PDE1A: variants seen among roughly 807,000 people sequenced by gnomAD.
The protein encoded by PDE1A is phosphodiesterase 1A, also known as dual specificity calcium/calmodulin-dependent 3',5'-cyclic nucleotide phosphodiesterase 1A.
Under a neutral mutation model 61.7 loss-of-function variants are expected in PDE1A, and 35 were observed. The ratio of observed to expected loss-of-function variants is 0.57; its 90% CI spans 0.43 to 0.75. The LOEUF (loss-of-function observed/expected upper bound fraction) is 0.75. Among genes scored for constraint, PDE1A ranks in the 30% least tolerant of loss-of-function variants. The pLI, the probability that PDE1A is intolerant of heterozygous loss-of-function variation, is 0.00. For missense variants in PDE1A, 597 were observed against 630.6 expected, an observed-to-expected ratio of 0.95 and a Z score of 0.57; for synonymous variants, 232 against 213.2, an observed-to-expected ratio of 1.09 and a Z score of -0.77.
intron 1 of PDE1A, among the ~76,000 whole-genome samples, chr2:182,323,717 A>C (rs1024533691): frequency 6.6e-6 from 1 of 152,158 alleles, no homozygotes; most frequent in African/African-American, 2.4e-5. Flanking sequence ...TAGGGCAGGA[A>C]GCCCCCAGGA....
chr2:182,511,064 G>A (rs1304425689), intron 2 of PDE1A, among the ~76,000 whole-genome samples: 1 of 151,990 alleles, frequency 6.6e-6, no homozygotes, highest in African/African-American at 2.4e-5. Flanking sequence ...CTTGAATTCT[G>A]GATACTTTTC....
At chr2:182,601,274 G>A in the PDE1A span, among the ~76,000 whole-genome samples, 1 of 152,238 alleles carries the variant, frequency 6.6e-6, no homozygotes, top group Admixed American at 6.5e-5. Flanking sequence ...AGCTCCAGGT[G>A]CTGACACAGG....
chr2:182,713,960 TCCC>T, the PDE1A span, among the ~76,000 whole-genome samples: 1 of 152,172 alleles, frequency 6.6e-6, no homozygotes, highest in African/African-American at 2.4e-5. Flanking sequence ...CTTACTAAGG[TCCC>T]TATAACCTCC....
the PDE1A span, among the ~76,000 whole-genome samples, chr2:182,529,074 G>A: frequency 1.3e-5 from 2 of 152,174 alleles, no homozygotes; most frequent in African/African-American, 4.8e-5. Flanking sequence ...GCTGTGAGAA[G>A]AGGGCCACCG....
chr2:182,687,910 C>A, the PDE1A span, among the ~76,000 whole-genome samples: 1 of 151,872 alleles, frequency 6.6e-6, no homozygotes, highest in Admixed American at 6.6e-5. Flanking sequence ...ATTCGATCAA[C>A]TGGAAAAAAG....
chr2:182,627,761 T>C, the PDE1A span, among the ~76,000 whole-genome samples: 1 of 151,384 alleles, frequency 6.6e-6, no homozygotes, highest in Non-Finnish European at 1.5e-5. Context: ...TGGCCAAACT[T>C]GTGAGACCCC....
the PDE1A span, among the ~76,000 whole-genome samples, chr2:182,579,277 T>C: frequency 6.6e-6 from 1 of 152,204 alleles, no homozygotes; most frequent in African/African-American, 2.4e-5. Context: ...TTCTGTCTGC[T>C]ACTCACTTGC....
At chr2:182,328,498 A>G (rs933655808) in intron 1 of PDE1A, among the ~76,000 whole-genome samples, 1 of 152,196 alleles carries the variant, frequency 6.6e-6, no homozygotes, top group African/African-American at 2.4e-5. Flanking sequence ...GACATAGTAA[A>G]AAAAAGTGGT....
chr2:182,378,375 T>TG (rs1700541549), intron 1 of PDE1A, among the ~76,000 whole-genome samples: 2 of 152,138 alleles, frequency 1.3e-5, no homozygotes, highest in Non-Finnish European at 2.9e-5. Flanking sequence ...AAAACCTTTT[T>TG]GGAAAGATAA....
At position 182,437,210 on chromosome 2, in the gene PDE1A, C is replaced by T. The variant is rs1684485758; in HGVS notation, c.101+85066G>A. On this transcript the variant is annotated intron_variant, in intron 2 of 14. Coordinates refer to the PDE1A transcript ENST00000410103. The stretch of plus-strand genomic sequence containing the variant: ...TTCTGGTCAAAACATCACTGAGAAA[C>T]TCTTGGGGAAAAAATCAGATTAGTA... 4.0e-5 allele frequency among the ~76,000 whole-genome samples: 6 copies of T among 151,862 alleles called. No individual in the cohort carries two copies. The South Asian group carries it at 1.3e-3, about 32-fold the overall frequency.
the PDE1A span, among the ~76,000 whole-genome samples, chr2:182,546,698 C>A: frequency 2.0e-5 from 3 of 152,172 alleles, no homozygotes; most frequent in African/African-American, 7.2e-5. Context: ...AAGGGCAGAT[C>A]CTTTCATTCC....
the PDE1A span, among the ~76,000 whole-genome samples, chr2:182,712,067 A>G: frequency 1.3e-5 from 2 of 152,242 alleles, no homozygotes; most frequent in East Asian, 1.9e-4. Context: ...TGGATAGACC[A>G]TAGGGTCAGT....
chr2:182,707,491 G>A, the PDE1A span, among the ~76,000 whole-genome samples: 1 of 152,098 alleles, frequency 6.6e-6, no homozygotes, highest in African/African-American at 2.4e-5. Context: ...AGATAATAAA[G>A]GAACTGTGAG....
chr2:182,310,386 T>C (rs537671805), intron 1 of PDE1A, among the ~76,000 whole-genome samples: 8 of 152,266 alleles, frequency 5.3e-5, no homozygotes, highest in East Asian at 1.9e-4. Flanking sequence ...TCAAAAGTTA[T>C]GGAAAAACTT....
intron 1 of PDE1A, among the ~76,000 whole-genome samples, chr2:182,391,296 T>G (rs1390065478): frequency 1.3e-5 from 2 of 152,214 alleles, no homozygotes; most frequent in Non-Finnish European, 2.9e-5. Context: ...GGCCCATATC[T>G]GCATTTAATG....
chr2:182,364,486 A>AAAAAAC (rs1574459736), intron 1 of PDE1A, among the ~76,000 whole-genome samples: 1 of 147,228 alleles, frequency 6.8e-6, no homozygotes, highest in African/African-American at 2.5e-5. Context: ...AAAAAAAAAA[A>AAAAAAC]AAAAAAAAAA....
At chr2:182,578,010 G>A in the PDE1A span, among the ~76,000 whole-genome samples, 4 of 149,912 alleles carry the variant, frequency 2.7e-5, no homozygotes. Flanking sequence ...GGGAGGGAGG[G>A]GAAAGAGCAA....
At chr2:182,534,149 T>G in the PDE1A span, among the ~76,000 whole-genome samples, 1 of 152,150 alleles carries the variant, frequency 6.6e-6, no homozygotes, top group African/African-American at 2.4e-5. Context: ...TTTATCCTTT[T>G]AAAATTGTAT....
intron 8 of PDE1A, among the ~76,000 whole-genome samples, chr2:182,204,468 CA>C (rs910498530): frequency 1.3e-5 from 2 of 152,152 alleles, no homozygotes; most frequent in African/African-American, 4.8e-5. Flanking sequence ...ACCTGAGAAG[CA>C]AAACCAATCC....
Sources: gnomAD v4.1 joint callset for allele counts (sites outside exome capture counted in the v4.1 genomes callset) on GRCh38, gnomAD v4.1.1 for gene constraint, MANE v1.5 for transcripts, NCBI Gene and HGNC (gene_info 2026-07-23, HGNC 2026-07-21) for gene names.